The following RNF150 variants were observed in gnomAD, a reference collection of about 807,000 sequenced individuals.
The protein encoded by RNF150 is ring finger protein 150.
Under a neutral mutation model 39.3 loss-of-function variants are expected in RNF150, and 24 were observed. That is an observed-to-expected ratio of 0.61 (90% CI 0.44 to 0.86). The LOEUF (loss-of-function observed/expected upper bound fraction) is 0.86. RNF150 is among the 40% of genes least tolerant of loss of function. The probability of loss-of-function intolerance (pLI) is 0.00; values close to 1 mark genes in which losing one functional copy is unlikely to be tolerated. For synonymous variants in RNF150, 255 were observed against 227.3 expected (o/e 1.12, Z -1.10); for missense variants, 502 against 587.8 (o/e 0.85, Z 1.51).
At chr4:140,930,567 C>T (rs1215385300) in intron 4 of RNF150, among the ~76,000 whole-genome samples, 1 of 152,190 alleles carries the variant, frequency 6.6e-6, no homozygotes, top group Non-Finnish European at 1.5e-5. Flanking sequence ...TAGCACTCCT[C>T]CCTGCCTCCA....
At chr4:141,155,875 G>C (rs1305315616) in intron 1 of RNF150, among the ~76,000 whole-genome samples, 2 of 152,056 alleles carry the variant, frequency 1.3e-5, no homozygotes, top group Non-Finnish European at 2.9e-5. Flanking sequence ...ATCAGTAGCA[G>C]AGCAAGTCTT....
At chr4:140,922,954 T>C (rs944097791) in intron 5 of RNF150, among the ~76,000 whole-genome samples, 2 of 150,842 alleles carry the variant, frequency 1.3e-5, no homozygotes, top group Non-Finnish European at 2.9e-5. Context: ...CCTTACACCT[T>C]ATACAAAAAT....
intron 1 of RNF150, among the ~76,000 whole-genome samples, chr4:141,083,105 C>G (rs1738224086): frequency 6.6e-6 from 1 of 152,204 alleles, no homozygotes. Flanking sequence ...TTTTAAGACA[C>G]TGCCATGAAA....
intron 1 of RNF150, among the ~76,000 whole-genome samples, chr4:140,984,150 T>C (rs1392658851): frequency 6.6e-6 from 1 of 152,148 alleles, no homozygotes; most frequent in Non-Finnish European, 1.5e-5. Flanking sequence ...TTTTGCATTT[T>C]GGATTTTCAG....
chr4:141,063,382 T>C lies in RNF150; in HGVS notation c.484+68943A>G, dbSNP rs572235779. On this transcript the variant is annotated intron_variant, in intron 1 of 6. Coordinates refer to ENST00000515673, the MANE Select transcript of RNF150 (RefSeq NM_020724.2). Reference sequence around the variant, plus strand: ...GCATCCAAGGTTTACTTAATTATCTTCCTTTCTGTTCTTACAGCCATTTAG... The same window carrying C: ...GCATCCAAGGTTTACTTAATTATCTCCCTTTCTGTTCTTACAGCCATTTAG... Among the ~76,000 whole-genome samples the C allele has an allele frequency of 2.9e-4, 44 of 152,344 alleles. No homozygotes were observed. In the South Asian group the frequency reaches 8.9e-3, roughly 31 times the overall value.
At chr4:141,199,609 T>C (rs1728256978) in intron 1 of RNF150, among the ~76,000 whole-genome samples, 1 of 152,158 alleles carries the variant, frequency 6.6e-6, no homozygotes, top group South Asian at 2.1e-4. Flanking sequence ...ATCTTCATAA[T>C]GTATGATCTC....
rs185734064 is a variant in RNF150, at chr4:140,960,589, G to A, written c.735+7034C>T. ...CCCCTGCCCTCTAGGGAGGGAAGAGGGGCTTGAAGGCTGAGTTGATCAACA... is the reference window on the plus strand; with the variant it reads ...CCCCTGCCCTCTAGGGAGGGAAGAGAGGCTTGAAGGCTGAGTTGATCAACA... On this transcript the variant is annotated intron_variant, in intron 2 of 6. Coordinates refer to ENST00000515673, the MANE Select transcript of RNF150 (RefSeq NM_020724.2). Among the ~76,000 whole-genome samples the A allele has an allele frequency of 3.1e-4, 47 of 152,210 alleles. 1 individual carries two copies. Among genetic ancestry groups the A allele is most frequent in the Admixed American group, 3.1e-3 (47 of 15,262 alleles).
At chr4:141,176,548 A>G (rs1727818014) in intron 1 of RNF150, among the ~76,000 whole-genome samples, 1 of 152,176 alleles carries the variant, frequency 6.6e-6, no homozygotes. Flanking sequence ...GCAGGTAAAA[A>G]TCTGATGAAA....
chr4:140,979,582 A>G (rs1262322390), intron 1 of RNF150, among the ~76,000 whole-genome samples: 3 of 152,038 alleles, frequency 2.0e-5, no homozygotes, highest in Non-Finnish European at 4.4e-5. Flanking sequence ...AAATACTTAG[A>G]GCATTCTAGA....
At chr4:141,006,372 T>C (rs1258276230) in intron 1 of RNF150, among the ~76,000 whole-genome samples, 6 of 152,104 alleles carry the variant, frequency 3.9e-5, no homozygotes, top group Admixed American at 3.9e-4. Context: ...AGTTCTGTAA[T>C]CTCCTATAAA....
rs533858603 is a variant in RNF150 at position 140,860,574 on chromosome 4, C to T, written c.*7687G>A. 1.6e-4 allele frequency: 25 copies of T among 152,154 alleles called. No homozygotes were observed. Among genetic ancestry groups the T allele is most frequent in the Non-Finnish European group, 2.8e-4 (19 of 68,026 alleles). 9.4% of individuals were successfully genotyped at this position (152,154 alleles called of 1,614,324 possible). On this transcript the variant is annotated 3_prime_UTR_variant, in exon 7 of 7. Transcript: ENST00000515673. Reference sequence around the variant, plus strand: ...GGAAGCTAAGTAGACTTTACCCCAACATCAATCATTTTACAACAAAAGCAT... The same window carrying T: ...GGAAGCTAAGTAGACTTTACCCCAATATCAATCATTTTACAACAAAAGCAT...
intron 6 of RNF150, among the ~76,000 whole-genome samples, chr4:140,909,596 G>T (rs1392748088): frequency 6.6e-6 from 1 of 151,836 alleles, no homozygotes; most frequent in Non-Finnish European, 1.5e-5. Context: ...GGATATACAG[G>T]GTTAAGTAAA....
At chr4:141,089,018 G>A (rs561212396) in intron 1 of RNF150, among the ~76,000 whole-genome samples, 11 of 152,230 alleles carry the variant, frequency 7.2e-5, no homozygotes, top group South Asian at 4.1e-4. Flanking sequence ...TTTTCTTGCC[G>A]ACCTAACCTC....
In RNF150 at chr4:141,132,647, G is replaced by GTCCGGCGCGGGC. The variant is rs1276860291; in HGVS notation, c.150_161dup (p.Glu50_Pro53dup). ...CGCCGCCCGCCGCCCCGGCCCCGGG[G>GTCCGGCGCGGGC]TCCGGCGCGGGCTCGGCGTAGGTGA... On this transcript the variant is annotated inframe_insertion, in exon 1 of 7. Transcript: ENST00000515673. This position sits in a 1 kb window ranked among gnomAD's most constrained non-coding sequence, Gnocchi z 4.9. The GTCCGGCGCGGGC allele has an allele frequency of 4.4e-6, 7 of 1,600,636 alleles. No homozygotes were observed. Among genetic ancestry groups the GTCCGGCGCGGGC allele is most frequent in the Non-Finnish European group, 6.0e-6 (7 of 1,174,988 alleles).
At chr4:140,930,449 T>C (rs1042244144) in intron 4 of RNF150, among the ~76,000 whole-genome samples, 1 of 152,212 alleles carries the variant, frequency 6.6e-6, no homozygotes, top group Non-Finnish European at 1.5e-5. Context: ...AAAATTCTGG[T>C]TTGCTCAATT....
intron 5 of RNF150, among the ~76,000 whole-genome samples, chr4:140,923,763 C>T (rs1268136112): frequency 2.0e-5 from 3 of 152,154 alleles, no homozygotes; most frequent in African/African-American, 4.8e-5. Context: ...AAATGTGGCA[C>T]ATATACACCA....
chr4:141,074,287 C>A (rs139247796), intron 1 of RNF150, among the ~76,000 whole-genome samples: 1 of 151,210 alleles, frequency 6.6e-6, no homozygotes, highest in Admixed American at 6.6e-5. Context: ...AGCATTACCA[C>A]GGAGTGTTAA....
At chr4:141,183,226 G>A (rs539008898) in intron 1 of RNF150, among the ~76,000 whole-genome samples, 3 of 152,236 alleles carry the variant, frequency 2.0e-5, no homozygotes, top group South Asian at 4.1e-4. Context: ...ACCAGGCAGG[G>A]TGTGGAGGAC....
chr4:141,098,415 C>T (rs924468050), intron 1 of RNF150, among the ~76,000 whole-genome samples: 9 of 152,232 alleles, frequency 5.9e-5, no homozygotes, highest in African/African-American at 1.7e-4. Context: ...TAATGCAAAA[C>T]GCCATGATGC....
Sources: gnomAD v4.1 joint callset for allele counts (sites outside exome capture counted in the v4.1 genomes callset) on GRCh38, gnomAD v4.1.1 for gene constraint, Gnocchi (gnomAD v3.1) non-coding constraint, MANE v1.5 for transcripts, NCBI Gene and HGNC (gene_info 2026-07-23, HGNC 2026-07-21) for gene names.